Variants in SHPRH observed in about 807,000 individuals in gnomAD.
SHPRH encodes SNF2 histone linker PHD RING helicase, also known as E3 ubiquitin-protein ligase SHPRH.
SHPRH carries 106 observed loss-of-function variants against 202.5 expected under a neutral mutation model. That is an observed-to-expected ratio of 0.52 (90% confidence interval 0.45 to 0.62). The LOEUF (loss-of-function observed/expected upper bound fraction) is 0.62, where lower values mean the gene tolerates loss of function less well. SHPRH is among the 20% of genes least tolerant of loss of function. SHPRH has a pLI of 0.00. For synonymous variants in SHPRH, 729 were observed against 686.0 expected, an observed-to-expected ratio of 1.06 and a Z score of -0.98; for missense variants, 1,710 against 2,020.0, an observed-to-expected ratio of 0.85 and a Z score of 2.94.
At chr6:145,951,714 C>A (rs1317742499) in intron 3 of SHPRH, 1 of 444,330 alleles carries the variant, frequency 2.3e-6, no homozygotes, top group Non-Finnish European at 4.6e-6. Flanking sequence ...AAATAACAAT[C>A]GAAGTTAGAA....
chr6:145,958,914 GCTCCAC>G (rs1788782016), intron 1 of SHPRH, among the ~76,000 whole-genome samples: 2 of 152,064 alleles, frequency 1.3e-5, no homozygotes, highest in South Asian at 4.1e-4. Flanking sequence ...CTCACTGCAA[GCTCCAC>G]CTCCTGGGTT....
chr6:145,943,061 CA>C, intron 9 of SHPRH, 81 bp downstream of exon 9: 1 of 1,458,154 alleles, frequency 6.9e-7, no homozygotes, highest in Non-Finnish European at 9.2e-7. Context: ...GGATAAACCA[CA>C]AAGAAACAAA....
rs1280623860 is a variant in SHPRH at position 145,894,199 on chromosome 6, G to C, written c.4646C>G (p.Thr1549Ser). 1 of 1,604,294 alleles carries C rather than the reference G, an allele frequency of 6.2e-7. No homozygotes were observed. Among genetic ancestry groups the C allele is most frequent in the African/African-American group, 1.3e-5 (1 of 74,150 alleles). Residue 1549 changes from threonine to serine, a missense_variant, in exon 27 of 30, where the codon ACT becomes AGT. Around this residue, in one of 8 missense-constraint regions of SHPRH, gnomAD observed 306 missense variants for 479.5 expected, o/e 0.64. Transcript: ENST00000275233. Reference sequence around the variant, plus strand: ...TTGTGCAAATTCCATGTTGTTGTCAGTAAGAGCTTTTGAAATAATATCTAA... The same window carrying C: ...TTGTGCAAATTCCATGTTGTTGTCACTAAGAGCTTTTGAAATAATATCTAA... ...DVLDIISKAL[T>S]DNNMEFAQIS...
rs1364325246 is a variant in SHPRH, at chr6:145,921,311, G to A, written c.3864C>T (p.Thr1288=). ...GLVDDRAPTT[T]RGLWAISETE... ...TCTCACTTATTGCCCAGAGACCCCG[G>A]GTGGTGGTAGGTGCTCGATCATCCA... is the stretch of plus-strand genomic sequence containing the variant. The change falls in exon 21 of 30, where the codon ACC becomes ACT. Residue 1288 remains threonine, a synonymous_variant. Transcript: ENST00000275233. 1 of 1,612,902 alleles carries A rather than the reference G, an allele frequency of 6.2e-7. No individual in the cohort carries two copies. Among genetic ancestry groups the A allele is most frequent in the East Asian group, 2.2e-5 (1 of 44,800 alleles).
At chr6:145,879,632 C>T (rs564585250) in intron 2 of SHPRH, among the ~76,000 whole-genome samples, 4 of 152,178 alleles carry the variant, frequency 2.6e-5, no homozygotes, top group South Asian at 2.1e-4. Flanking sequence ...GACTAGCAGC[C>T]GGGTGTGGTG....
At chr6:145,894,122 C>T (rs1195913944) in intron 27 of SHPRH, 28 bp downstream of exon 27, 5 of 1,561,100 alleles carry the variant, frequency 3.2e-6, no homozygotes, top group Non-Finnish European at 2.6e-6. Context: ...GTATCCACTA[C>T]AAAAACCGGA....
intron 15 of SHPRH, 90 bp downstream of exon 15, chr6:145,927,099 T>C (rs1784949748): frequency 8.5e-7 from 1 of 1,171,806 alleles, no homozygotes; most frequent in East Asian, 2.6e-5. Flanking sequence ...TATGACTGTT[T>C]GTTACCATTT....
intron 25 of SHPRH, among the ~76,000 whole-genome samples, chr6:145,900,423 T>C (rs544664186): frequency 6.6e-6 from 1 of 152,186 alleles, no homozygotes; most frequent in East Asian, 1.9e-4. Context: ...TACTGCATGA[T>C]CTCACTTATA....
Position 145,903,843 on chromosome 6 carries a change from AG to A in SHPRH, c.4515+6604del, listed in dbSNP as rs1435955116. The A allele has an allele frequency of 1.6e-4, 24 of 152,242 alleles. No individual in the cohort carries two copies. In the East Asian group the frequency reaches 4.6e-3, roughly 29 times the overall value. 9.4% of individuals were successfully genotyped at this position (152,242 alleles called of 1,614,324 possible). ...CATGTGGGCCATATGTTCTGCCAGG[AG>A]GCCTACTTCACCATCCAAAATGCCT... On this transcript the variant is annotated intron_variant, in intron 25 of 29. Transcript: ENST00000275233.
intron 18 of SHPRH, among the ~76,000 whole-genome samples, 184 bp from the exon 19 acceptor site, chr6:145,923,020 C>T (rs1784557584): frequency 6.7e-6 from 1 of 149,232 alleles, no homozygotes; most frequent in Non-Finnish European, 1.5e-5. Context: ...ATTGGGCTGT[C>T]TACCGTAAAA....
intron 11 of SHPRH, among the ~76,000 whole-genome samples, chr6:145,936,545 T>G (rs979560696): frequency 6.6e-6 from 1 of 152,100 alleles, no homozygotes; most frequent in Admixed American, 6.5e-5. Flanking sequence ...CAGGCTGATC[T>G]TGAACTCCTG....
Position 145,864,484 on chromosome 6 carries a change from C to A in SHPRH, c.229G>T (p.Glu77Ter). The A allele has an allele frequency of 4.0e-6, 1 of 248,668 alleles. No individual in the cohort carries two copies. Among genetic ancestry groups the A allele is most frequent in the East Asian group, 1.2e-4 (1 of 8,240 alleles). 15.4% of individuals were successfully genotyped at this position (248,668 alleles called of 1,614,324 possible). A position where few individuals can be genotyped will look rare whatever the true frequency, so the allele number is the denominator to read the frequency against. The change falls in exon 3 of 3, where the codon GAG becomes TAG. Residue 77 changes from glutamate to a stop codon, truncating the protein, a stop_gained. Coordinates refer to the SHPRH transcript ENST00000417762. LOFTEE classifies it low-confidence loss of function (END_TRUNC). ...TGAAAACAAAATAACGCCTGTTCCT[C>A]AAAAAACCTGTGGAAATAAAAAATT...
At chr6:145,886,826 C>A (rs1781058326) in intron 29 of SHPRH, 39 bp from the exon 30 acceptor site, 1 of 1,589,756 alleles carries the variant, frequency 6.3e-7, no homozygotes, top group Admixed American at 1.8e-5. Flanking sequence ...AGAAAGAAAC[C>A]CCAAGCCATC....
chr6:145,891,527 C>T (rs568561532), intron 28 of SHPRH, among the ~76,000 whole-genome samples: 2 of 152,282 alleles, frequency 1.3e-5, no homozygotes, highest in South Asian at 4.1e-4. Context: ...AACCCCATTA[C>T]AGCTAGAATC....
chr6:145,894,240 G>A lies in SHPRH; in HGVS notation c.4609-4C>T. On this transcript the variant is annotated splice_polypyrimidine_tract_variant and splice_region_variant and intron_variant, in intron 26 of 29. Coordinates refer to ENST00000275233, the MANE Select transcript of SHPRH (RefSeq NM_001042683.3). ...TAATATCTAATACATCTTGCCACTA[G>A]AACACATAAAACAATAAGAAAACCA... The A allele has an allele frequency of 1.9e-6, 3 of 1,586,552 alleles. No homozygotes were observed. The highest frequency in any genetic ancestry group is 2.6e-6 in the Non-Finnish European group (3 of 1,168,076).
At chr6:145,962,112 T>G (rs1789146516) in intron 1 of SHPRH, among the ~76,000 whole-genome samples, 1 of 152,250 alleles carries the variant, frequency 6.6e-6, no homozygotes, top group Non-Finnish European at 1.5e-5. Context: ...GTCTTGTATT[T>G]AAATATAAAA....
At chr6:145,888,420 A>G (rs189874042) in intron 28 of SHPRH, among the ~76,000 whole-genome samples, 1 of 152,094 alleles carries the variant, frequency 6.6e-6, no homozygotes, top group Non-Finnish European at 1.5e-5. Flanking sequence ...AGAATATCCA[A>G]ACAGAAGAAA....
At chr6:145,898,397 T>A (rs2247571) in intron 25 of SHPRH, among the ~76,000 whole-genome samples, 85,089 of 151,908 alleles carry the variant, frequency 0.56, 24,686 homozygotes, top group African/African-American at 0.73. Context: ...ATAAATATTA[T>A]ATAACATAAT....
At position 145,913,508 on chromosome 6, in the gene SHPRH, G is replaced by A. The variant is rs9497426; in HGVS notation, c.4296C>T (p.Cys1432=). 0.77 allele frequency: 1,241,844 copies of A among 1,606,676 alleles called. 482,479 individuals carry two copies. Among genetic ancestry groups the A allele is most frequent in the African/African-American group, 0.94 (69,851 of 74,666 alleles). The change falls in exon 24 of 30, where the codon TGC becomes TGT. Residue 1432 remains cysteine, a synonymous_variant. Coordinates refer to ENST00000275233, the MANE Select transcript of SHPRH (RefSeq NM_001042683.3). The part of the protein sequence containing the change: ...KTSGGVNPEP[C]PICARQLGKQ... Reference sequence around the variant, plus strand: ...TTCCTAGCTGTCGAGCACAGATTGGGCAAGGTTCTGGATTAACACCTCCCG... The same window carrying A: ...TTCCTAGCTGTCGAGCACAGATTGGACAAGGTTCTGGATTAACACCTCCCG...
Sources: gnomAD v4.1 joint callset for allele counts (sites outside exome capture counted in the v4.1 genomes callset) on GRCh38, gnomAD v4.1.1 for gene constraint, gnomAD v4.1.1 regional missense constraint, MANE v1.5 for transcripts, NCBI Gene and HGNC (gene_info 2026-07-23, HGNC 2026-07-21) for gene names.